Variants in SPIDR observed in about 807,000 individuals in gnomAD.
The protein encoded by SPIDR is scaffold protein involved in DNA repair.
A neutral mutation model predicts 104.6 loss-of-function variants in SPIDR; 93 were observed. That is an observed-to-expected ratio of 0.89 (90% CI 0.75 to 1.06). The LOEUF (loss-of-function observed/expected upper bound fraction) is 1.06. SPIDR is among the 50% of genes least tolerant of loss of function. SPIDR has a pLI of 0.00. For synonymous variants in SPIDR, 431 were observed against 416.9 expected, an observed-to-expected ratio of 1.03 and a Z score of -0.41; for missense variants, 1,154 against 1,111.2, an observed-to-expected ratio of 1.04 and a Z score of -0.55.
chr8:47,471,202 G>C (rs2075656473), intron 8 of SPIDR, among the ~76,000 whole-genome samples: 1 of 151,988 alleles, frequency 6.6e-6, no homozygotes, highest in African/African-American at 2.4e-5. Flanking sequence ...GAAGTTTCCT[G>C]CATCAAAGAA....
chr8:47,327,690 G>A (rs1387897521), intron 5 of SPIDR, among the ~76,000 whole-genome samples: 2 of 152,070 alleles, frequency 1.3e-5, no homozygotes, highest in African/African-American at 4.8e-5. Context: ...AGCCTCCCAA[G>A]TAGCTGGGAT....
At chr8:47,311,061 A>G (rs782220745) in intron 5 of SPIDR, among the ~76,000 whole-genome samples, 20 of 152,344 alleles carry the variant, frequency 1.3e-4, no homozygotes, top group South Asian at 1.0e-3. Context: ...TCTTAAGGTT[A>G]TATAAAGAAA....
chr8:47,694,607 G>A (rs1036484618), intron 11 of SPIDR, among the ~76,000 whole-genome samples: 29 of 152,160 alleles, frequency 1.9e-4, no homozygotes, highest in East Asian at 9.6e-4. Flanking sequence ...CATCCTGTAC[G>A]AAAAATTTTA....
At chr8:47,485,061 C>T (rs577287612) in intron 8 of SPIDR, among the ~76,000 whole-genome samples, 53 of 152,308 alleles carry the variant, frequency 3.5e-4, no homozygotes, top group South Asian at 2.1e-3. Flanking sequence ...TGGCCTCACC[C>T]GGGAAGTGCA....
At chr8:47,402,048 A>T (rs546261023) in intron 6 of SPIDR, among the ~76,000 whole-genome samples, 2 of 152,352 alleles carry the variant, frequency 1.3e-5, no homozygotes, top group East Asian at 1.9e-4. Flanking sequence ...TCAGCACCAC[A>T]TCGCACTTAT....
chr8:47,625,137 T>C (rs2065840256), intron 10 of SPIDR, among the ~76,000 whole-genome samples: 1 of 152,042 alleles, frequency 6.6e-6, no homozygotes, highest in Non-Finnish European at 1.5e-5. Context: ...AGACAAAAAC[T>C]ACATGATTAT....
intron 8 of SPIDR, among the ~76,000 whole-genome samples, chr8:47,455,484 G>T (rs953672882): frequency 6.6e-6 from 1 of 151,860 alleles, no homozygotes; most frequent in Non-Finnish European, 1.5e-5. Context: ...TAAGGCATAA[G>T]AAAAAAGTGT....
chr8:47,363,854 T>TC (rs1214736159), intron 5 of SPIDR, among the ~76,000 whole-genome samples: 47 of 151,656 alleles, frequency 3.1e-4, no homozygotes, highest in African/African-American at 9.9e-4. Flanking sequence ...TTTTTTTTTT[T>TC]TCTCTCTCTG....
At chr8:47,484,309 A>G (rs140986503) in intron 8 of SPIDR, among the ~76,000 whole-genome samples, 10 of 152,230 alleles carry the variant, frequency 6.6e-5, no homozygotes, top group Non-Finnish European at 1.5e-4. Context: ...ATACATATCA[A>G]CCCTTTGAGA....
chr8:47,599,252 C>T, intron 10 of SPIDR, 56 bp downstream of exon 10: 1 of 1,589,452 alleles, frequency 6.3e-7, no homozygotes, highest in Non-Finnish European at 8.6e-7. Context: ...AGACAGAGTG[C>T]TCTAGAAAGT....
chr8:47,457,958 A>G (rs575087291), intron 8 of SPIDR, among the ~76,000 whole-genome samples: 14 of 152,206 alleles, frequency 9.2e-5, no homozygotes, highest in South Asian at 6.2e-4. Context: ...CTCTGTGCCT[A>G]TTTTTATACC....
chr8:47,395,247 G>A (rs1225198007), intron 5 of SPIDR, among the ~76,000 whole-genome samples: 1 of 152,148 alleles, frequency 6.6e-6, no homozygotes, highest in Non-Finnish European at 1.5e-5. Context: ...TACTTGGGAG[G>A]CTGAGGCAGG....
intron 10 of SPIDR, among the ~76,000 whole-genome samples, chr8:47,645,519 T>A (rs2070175480): frequency 6.6e-6 from 1 of 152,088 alleles, no homozygotes; most frequent in African/African-American, 2.4e-5. Flanking sequence ...GGTAAGCACG[T>A]GAAGGCCAGG....
chr8:47,472,551 A>C (rs576744677), intron 8 of SPIDR, among the ~76,000 whole-genome samples: 8 of 152,352 alleles, frequency 5.3e-5, no homozygotes, highest in African/African-American at 1.9e-4. Context: ...GATATCACAC[A>C]TGTAGTGTAA....
chr8:47,568,293 T>G (rs541679528), intron 8 of SPIDR, among the ~76,000 whole-genome samples: 2 of 152,234 alleles, frequency 1.3e-5, no homozygotes, highest in South Asian at 4.1e-4. Context: ...ATACACTTCT[T>G]TATAGGGCCA....
rs144692958 is a variant in SPIDR at position 47,706,585 on chromosome 8, C to T, written c.1977+4570C>T. 8.3e-4 allele frequency among the ~76,000 whole-genome samples: 126 copies of T among 152,302 alleles called. No individual in the cohort carries two copies. The South Asian group carries it at 8.7e-3, about 11-fold the overall frequency. On this transcript the variant is annotated intron_variant, in intron 14 of 19. Transcript: ENST00000297423. ...GAATCCTCCGCTGTGCCATCACCAA[C>T]GATTCCTGTGTTCGCCTTTATAGCC...
intron 8 of SPIDR, among the ~76,000 whole-genome samples, chr8:47,440,826 G>A (rs2069282866): frequency 6.6e-6 from 1 of 152,106 alleles, no homozygotes; most frequent in Non-Finnish European, 1.5e-5. Context: ...GGCTGTTTTT[G>A]TTTTTATATT....
chr8:47,416,103 G>A (rs782713994), intron 7 of SPIDR, among the ~76,000 whole-genome samples: 1 of 152,192 alleles, frequency 6.6e-6, no homozygotes, highest in Admixed American at 6.5e-5. Flanking sequence ...AATTAGCCAG[G>A]TGTGGTGGCA....
chr8:47,661,861 AG>A (rs1411228595), intron 10 of SPIDR, among the ~76,000 whole-genome samples: 1 of 152,250 alleles, frequency 6.6e-6, no homozygotes, highest in East Asian at 1.9e-4. Flanking sequence ...ATAGTGGCAG[AG>A]CTGGGATCCC....
Sources: gnomAD v4.1 joint callset for allele counts (sites outside exome capture counted in the v4.1 genomes callset) on GRCh38, gnomAD v4.1.1 for gene constraint, MANE v1.5 for transcripts, NCBI Gene and HGNC (gene_info 2026-07-23, HGNC 2026-07-21) for gene names.